PIK3C2G: variants seen among roughly 807,000 people sequenced by gnomAD.
The protein encoded by PIK3C2G is phosphatidylinositol 3-kinase C2 domain-containing subunit gamma.
Under a neutral mutation model 181.1 loss-of-function variants are expected in PIK3C2G, and 168 were observed. That is an observed-to-expected ratio of 0.93 (90% CI 0.82 to 1.05). The LOEUF is 1.05. PIK3C2G is among the 50% of genes least tolerant of loss of function. The probability of loss-of-function intolerance (pLI) is 0.00; values close to 1 mark genes in which losing one functional copy is unlikely to be tolerated. For missense variants in PIK3C2G, 1,869 were observed against 1,732.8 expected (o/e 1.08, Z -1.40); for synonymous variants, 573 against 592.2 (o/e 0.97, Z 0.47).
At chr12:18,373,329 G>A (rs1023947782) in intron 13 of PIK3C2G, among the ~76,000 whole-genome samples, 3 of 152,074 alleles carry the variant, frequency 2.0e-5, no homozygotes, top group African/African-American at 7.2e-5. Context: ...AGCTAGCCAC[G>A]TGGAACTATA....
In PIK3C2G at chr12:18,556,578, G is replaced by A. The variant is rs115029311; in HGVS notation, c.3591-6125G>A. On this transcript the variant is annotated intron_variant, in intron 26 of 32. Coordinates refer to ENST00000538779, the MANE Select transcript of PIK3C2G (RefSeq NM_001288772.2). Reference sequence around the variant, plus strand: ...ACTGATATCTTCATGAGAAGTGAGTGCATGCTGTCACCCTAAAGCTTTTCA... The same window carrying A: ...ACTGATATCTTCATGAGAAGTGAGTACATGCTGTCACCCTAAAGCTTTTCA... Among the ~76,000 whole-genome samples, 1,213 of 152,240 alleles carry A rather than the reference G, an allele frequency of 8.0e-3. 11 individuals carry two copies. Among genetic ancestry groups the A allele is most frequent in the African/African-American group, 0.028 (1,150 of 41,546 alleles).
At chr12:18,719,775 A>G in the PIK3C2G span, 1 of 494,090 alleles carries the variant, frequency 2.0e-6, no homozygotes, top group Non-Finnish European at 3.3e-6. Context: ...TACTATATTT[A>G]TGTTGTTTGG....
intron 14 of PIK3C2G, among the ~76,000 whole-genome samples, chr12:18,387,732 G>A (rs899398493): frequency 3.9e-5 from 6 of 152,100 alleles, no homozygotes; most frequent in African/African-American, 9.7e-5. Context: ...CCTTCCCACT[G>A]ACTGAGTGAT....
intron 24 of PIK3C2G, among the ~76,000 whole-genome samples, chr12:18,508,993 A>AT (rs1406486099): frequency 6.6e-6 from 1 of 152,150 alleles, no homozygotes; most frequent in Admixed American, 6.5e-5. Context: ...AGGGAAAAGC[A>AT]TTTGTATAAC....
downstream of PIK3C2G, among the ~76,000 whole-genome samples, chr12:18,652,285 T>G (rs1950552903): frequency 6.6e-6 from 1 of 152,094 alleles, no homozygotes; most frequent in South Asian, 2.1e-4. Flanking sequence ...CTGATATACT[T>G]ATGAAAGGGA....
chr12:18,438,914 G>A (rs1294945508), intron 18 of PIK3C2G, among the ~76,000 whole-genome samples: 6 of 151,576 alleles, frequency 4.0e-5, no homozygotes, highest in Admixed American at 1.3e-4. Flanking sequence ...TATATAATAC[G>A]TATTTATACC....
rs779361908 is a variant in PIK3C2G, at chr12:18,286,912, T to C, written c.744T>C (p.Phe248=). 1.3e-6 allele frequency: 2 copies of C among 1,564,548 alleles called. No individual in the cohort carries two copies. The highest frequency in any genetic ancestry group is 1.7e-6 in the Non-Finnish European group (2 of 1,154,008). The change falls in exon 3 of 33, where the codon TTT becomes TTC. Residue 248 remains phenylalanine, a synonymous_variant. Coordinates refer to ENST00000538779, the MANE Select transcript of PIK3C2G (RefSeq NM_001288772.2). ...PQSSNTSLAS[F]CNKVKKIRER... ...GCAGCAATACGAGTCTGGCCTCTTT[T>C]TGCAACAAAGTAAAAAAGTGAGTAC...
upstream of PIK3C2G, among the ~76,000 whole-genome samples, chr12:18,259,120 T>G (rs1466160359): frequency 2.6e-5 from 4 of 152,000 alleles, no homozygotes. Context: ...GGCAACAGGG[T>G]GGGAAGTTGC....
At chr12:18,449,189 G>C (rs1403758613) in intron 18 of PIK3C2G, among the ~76,000 whole-genome samples, 2 of 152,096 alleles carry the variant, frequency 1.3e-5, no homozygotes, top group African/African-American at 2.4e-5. Context: ...TCACTATTCT[G>C]TTCCATTGGT....
chr12:18,337,910 A>G (rs2137589290), intron 8 of PIK3C2G, among the ~76,000 whole-genome samples: 1 of 152,286 alleles, frequency 6.6e-6, no homozygotes, highest in African/African-American at 2.4e-5. Flanking sequence ...CCTTAACACC[A>G]CAACTGGCTG....
chr12:18,624,634 T>C (rs1258792083), intron 31 of PIK3C2G, among the ~76,000 whole-genome samples: 1 of 151,676 alleles, frequency 6.6e-6, no homozygotes, highest in African/African-American at 2.4e-5. Context: ...TCATTAAATA[T>C]TTGATAGAAT....
chr12:18,581,893 C>T (rs1946521613), intron 29 of PIK3C2G, among the ~76,000 whole-genome samples: 1 of 152,032 alleles, frequency 6.6e-6, no homozygotes, highest in Admixed American at 6.6e-5. Flanking sequence ...TGAAGAGATA[C>T]AGGAGAATCA....
intron 10 of PIK3C2G, among the ~76,000 whole-genome samples, chr12:18,344,903 T>C (rs1426093552): frequency 1.3e-5 from 2 of 152,172 alleles, no homozygotes; most frequent in East Asian, 1.9e-4. Context: ...AAGTAAAACA[T>C]AATGCATAAG....
chr12:18,289,695 T>C (rs1462471745), intron 3 of PIK3C2G, among the ~76,000 whole-genome samples: 1 of 152,170 alleles, frequency 6.6e-6, no homozygotes, highest in African/African-American at 2.4e-5. Context: ...CACGAGTGGA[T>C]ACAGATGCAT....
chr12:18,262,064 T>A (rs945639466), intron 1 of PIK3C2G, among the ~76,000 whole-genome samples: 3 of 152,110 alleles, frequency 2.0e-5, no homozygotes, highest in African/African-American at 7.2e-5. Context: ...TCTTAACATA[T>A]GGGATCCAAA....
intron 13 of PIK3C2G, among the ~76,000 whole-genome samples, chr12:18,372,087 A>C (rs1434422492): frequency 1.3e-5 from 2 of 152,056 alleles, no homozygotes. Context: ...TTTTTAATTT[A>C]TTAATTTTTA....
the PIK3C2G span, among the ~76,000 whole-genome samples, chr12:18,701,297 T>C: frequency 2.6e-5 from 4 of 152,038 alleles, no homozygotes; most frequent in Non-Finnish European, 4.4e-5. Context: ...GAGAAAAAAA[T>C]GTTTAAGCAG....
intron 31 of PIK3C2G, among the ~76,000 whole-genome samples, chr12:18,627,108 G>A (rs548355067): frequency 2.7e-5 from 4 of 150,318 alleles, no homozygotes; most frequent in African/African-American, 9.8e-5. Flanking sequence ...AATTTCAAAT[G>A]TTCTGTCTTC....
intron 18 of PIK3C2G, among the ~76,000 whole-genome samples, chr12:18,479,934 A>G (rs1268466267): frequency 6.6e-6 from 1 of 152,158 alleles, no homozygotes; most frequent in Non-Finnish European, 1.5e-5. Context: ...TTGTAATATT[A>G]TCCCACTGAG....
Sources: allele counts gnomAD v4.1 joint callset (sites outside exome capture counted in the v4.1 genomes callset), GRCh38; gene constraint gnomAD v4.1.1; transcripts MANE v1.5; gene names NCBI Gene and HGNC (gene_info 2026-07-23, HGNC 2026-07-21).